The following SGPP1 variants were observed in gnomAD, a reference collection of about 807,000 sequenced individuals.
SGPP1 encodes the protein sphingosine-1-phosphate phosphatase 1.
Under a neutral mutation model 33.0 loss-of-function variants are expected in SGPP1, and 21 were observed. That is an observed-to-expected ratio of 0.64 (90% CI 0.45 to 0.92). The LOEUF (loss-of-function observed/expected upper bound fraction) is 0.92, where lower values mean the gene tolerates loss of function less well. Among genes scored for constraint, SGPP1 ranks in the 40% least tolerant of loss-of-function variants. SGPP1 has a pLI of 0.00. For synonymous variants in SGPP1, 239 were observed against 241.2 expected (o/e 0.99, Z 0.08); for missense variants, 543 against 589.4 (o/e 0.92, Z 0.81).
At chr14:63,686,678 G>GT in intron 2 of SGPP1, 22 bp from the exon 3 acceptor site, 1 of 1,518,904 alleles carries the variant, frequency 6.6e-7, no homozygotes, top group Non-Finnish European at 9.0e-7. Flanking sequence ...TAAAAGTATC[G>GT]TTGTTTAGTA....
At chr14:63,701,949 A>G (rs1199579205) in intron 1 of SGPP1, among the ~76,000 whole-genome samples, 2 of 110,582 alleles carry the variant, frequency 1.8e-5, no homozygotes, top group Non-Finnish European at 3.4e-5. Context: ...CAAAAGAAGT[A>G]AAAAAAAAAA....
intron 1 of SGPP1, among the ~76,000 whole-genome samples, chr14:63,712,732 G>A (rs926501050): frequency 6.6e-6 from 1 of 150,968 alleles, no homozygotes; most frequent in Non-Finnish European, 1.5e-5. Flanking sequence ...CAATGGCACC[G>A]TTACAGTTCA....
In SGPP1 at chr14:63,686,610, A is replaced by T; in HGVS notation, c.821T>A (p.Phe274Tyr). The change falls in exon 3 of 3, where the codon TTC becomes TAC. Residue 274 changes from phenylalanine (F) to tyrosine (Y), a missense_variant. Phe to Tyr is a conservative substitution (Grantham distance 22, BLOSUM62 3). Coordinates refer to ENST00000247225, the MANE Select transcript of SGPP1 (RefSeq NM_030791.4). ...FLYTILILAV[F>Y]YPFVDLIDNF... ...GTCAATCAGGTCCACAAATGGATAG[A>T]AGACAGCTAAGATTAAAATGGTATA... is the stretch of plus-strand genomic sequence containing the variant. 6.2e-7 allele frequency: 1 copy of T among 1,613,422 alleles called. No homozygotes were observed. The highest frequency in any genetic ancestry group is 8.5e-7 in the Non-Finnish European group (1 of 1,179,508).
chr14:63,707,701 C>T (rs994970438), intron 1 of SGPP1, among the ~76,000 whole-genome samples: 5 of 152,128 alleles, frequency 3.3e-5, no homozygotes, highest in Non-Finnish European at 7.4e-5. Flanking sequence ...CTATCTCGGC[C>T]TCCCAAAGTG....
intron 2 of SGPP1, among the ~76,000 whole-genome samples, chr14:63,698,162 G>A (rs1297621984): frequency 6.6e-6 from 1 of 152,162 alleles, no homozygotes; most frequent in Non-Finnish European, 1.5e-5. Context: ...AACACAAATG[G>A]CCCCTGGAAA....
rs1444045493 is a variant in SGPP1, at chr14:63,727,654, C to T, written c.291G>A (p.Leu97=). The T allele has an allele frequency of 7.4e-7, 1 of 1,348,592 alleles. No individual in the cohort carries two copies. The highest frequency in any genetic ancestry group is 9.4e-7 in the Non-Finnish European group (1 of 1,058,690). The allele number at this position is 1,348,592 out of a possible 1,614,324, so 83.5% of individuals were successfully genotyped here. ...CCGCGCGCCGCGGCGAGGCCGGGCC[C>T]AGCTCGGCCGCCAGCCCGTTCCGCA... ...NGVRNGLAAE[L]GPASPRRAGA... Residue 97 remains leucine (L), a synonymous_variant, in exon 1 of 3, where the codon CTG becomes CTA. Transcript: ENST00000247225.
chr14:63,712,901 G>A (rs1885553604), intron 1 of SGPP1, among the ~76,000 whole-genome samples: 1 of 121,598 alleles, frequency 8.2e-6, no homozygotes, highest in Admixed American at 9.4e-5. Flanking sequence ...TGGGCAACAA[G>A]AGCAAAACTC....
intron 2 of SGPP1, among the ~76,000 whole-genome samples, chr14:63,689,884 CTTAACA>C (rs376332397): frequency 1.8e-4 from 27 of 152,138 alleles, no homozygotes; most frequent in South Asian, 6.2e-4. Context: ...GCTTTTTACA[CTTAACA>C]TTAAGATTCA....
intron 1 of SGPP1, among the ~76,000 whole-genome samples, chr14:63,719,014 A>ATATATATT: frequency 5.1e-5 from 1 of 19,422 alleles, no homozygotes; most frequent in Non-Finnish European, 8.1e-5. Context: ...ATATATATAT[A>ATATATATT]TTTTTTTTTT....
chr14:63,702,032 C>T (rs1191857783), intron 1 of SGPP1, among the ~76,000 whole-genome samples: 1 of 147,864 alleles, frequency 6.8e-6, no homozygotes, highest in Non-Finnish European at 1.5e-5. Flanking sequence ...TAGAAATGTA[C>T]AAAATTACTG....
intron 1 of SGPP1, among the ~76,000 whole-genome samples, chr14:63,710,527 G>C (rs1885502137): frequency 6.6e-6 from 1 of 152,186 alleles, no homozygotes; most frequent in Non-Finnish European, 1.5e-5. Context: ...AGGATAGACA[G>C]CGTCTCACAG....
At chr14:63,722,583 T>A (rs1885794976) in intron 1 of SGPP1, among the ~76,000 whole-genome samples, 2 of 147,508 alleles carry the variant, frequency 1.4e-5, no homozygotes, top group South Asian at 2.1e-4. Flanking sequence ...ACATTATTAT[T>A]ATAAAATATA....
rs1322173624 is a variant in SGPP1, at chr14:63,727,359, C to T, written c.586G>A (p.Val196Ile). ...ATGCTGTACTCAGAGTTGTAGAAGACCTCCAACTTGACCACGGGCGGCGAG... is the reference window on the plus strand; with the variant it reads ...ATGCTGTACTCAGAGTTGTAGAAGATCTCCAACTTGACCACGGGCGGCGAG... ...PASPPVVKLE[V>I]FYNSEYSMPS... The change falls in exon 1 of 3, where the codon GTC (valine) becomes ATC (isoleucine). Residue 196 changes from valine (V) to isoleucine (I), a missense_variant. Physicochemically the swap from Val to Ile is conservative, Grantham distance 29. Coordinates refer to ENST00000247225, the MANE Select transcript of SGPP1 (RefSeq NM_030791.4). 2 of 1,614,032 alleles carry T rather than the reference C, an allele frequency of 1.2e-6. No individual in the cohort carries two copies. Among genetic ancestry groups the T allele is most frequent in the Non-Finnish European group, 1.7e-6 (2 of 1,180,040 alleles).
At chr14:63,708,538 A>G (rs1325276518) in intron 1 of SGPP1, among the ~76,000 whole-genome samples, 9 of 151,866 alleles carry the variant, frequency 5.9e-5, no homozygotes, top group Admixed American at 5.9e-4. Flanking sequence ...TGCTGGGATT[A>G]CAGGCATGAG....
intron 1 of SGPP1, among the ~76,000 whole-genome samples, chr14:63,706,571 G>A (rs533326989): frequency 7.2e-4 from 109 of 152,186 alleles, no homozygotes; most frequent in African/African-American, 2.3e-3. Context: ...CACATAGTGC[G>A]CAGTCAATTA....
intron 1 of SGPP1, among the ~76,000 whole-genome samples, chr14:63,710,913 A>G (rs1885507241): frequency 6.6e-6 from 1 of 152,198 alleles, no homozygotes; most frequent in African/African-American, 2.4e-5. Context: ...TTCCTCATCT[A>G]TAAATGGGGA....
At chr14:63,697,232 C>G (rs568493390) in intron 2 of SGPP1, among the ~76,000 whole-genome samples, 1 of 152,264 alleles carries the variant, frequency 6.6e-6, no homozygotes, top group African/African-American at 2.4e-5. Context: ...ACAGCACACA[C>G]TGCCTCCCAA....
chr14:63,693,073 C>A (rs1165989300), intron 2 of SGPP1, among the ~76,000 whole-genome samples: 1 of 152,130 alleles, frequency 6.6e-6, no homozygotes, highest in Non-Finnish European at 1.5e-5. Context: ...GGACCACAGG[C>A]ACACACCACC....
Position 63,698,567 on chromosome 14 carries a change from AC to A in SGPP1, c.774+1del. The A allele has an allele frequency of 6.7e-7, 1 of 1,502,306 alleles. No homozygotes were observed. The highest frequency in any genetic ancestry group is 9.1e-7 in the Non-Finnish European group (1 of 1,099,480). The allele number at this position is 1,502,306 out of a possible 1,614,324, so 93.1% of individuals were successfully genotyped here. A position where few individuals can be genotyped will look rare whatever the true frequency, so the allele number is the denominator to read the frequency against. ...GTATTAAGAAGACAACATTTTCCTTACCAGAATAGAGTGCATTCCCATGTAA... is the reference window on the plus strand; with the variant it reads ...GTATTAAGAAGACAACATTTTCCTTACAGAATAGAGTGCATTCCCATGTAA... On this transcript the variant is annotated splice_donor_variant, in intron 2 of 2. Coordinates refer to ENST00000247225, the MANE Select transcript of SGPP1 (RefSeq NM_030791.4). LOFTEE classifies it high-confidence loss of function.
Sources: gnomAD v4.1 joint callset for allele counts (sites outside exome capture counted in the v4.1 genomes callset) on GRCh38, gnomAD v4.1.1 for gene constraint, MANE v1.5 for transcripts, NCBI Gene and HGNC (gene_info 2026-07-23, HGNC 2026-07-21) for gene names.